The following TXK variants were observed in gnomAD, a reference collection of about 807,000 sequenced individuals.
TXK encodes the protein TXK tyrosine kinase.
A neutral mutation model predicts 81.0 loss-of-function variants in TXK; 60 were observed. The observed-to-expected ratio is 0.74, with a 90% CI of 0.60 to 0.92. The LOEUF (loss-of-function observed/expected upper bound fraction) is 0.92. Ranked by LOEUF, TXK falls within the 40% of genes least tolerant of loss-of-function variation. TXK has a pLI of 0.00. For missense variants in TXK, 581 were observed against 638.3 expected (o/e 0.91, Z 0.97); for synonymous variants, 203 against 210.7 (o/e 0.96, Z 0.32).
At chr4:48,097,088 T>C (rs1718010072) in intron 6 of TXK, among the ~76,000 whole-genome samples, 1 of 151,890 alleles carries the variant, frequency 6.6e-6, no homozygotes, top group Non-Finnish European at 1.5e-5. Flanking sequence ...AGACAAAACA[T>C]AAAATAATAA....
At chr4:48,072,474 G>A (rs1030718893) in intron 13 of TXK, among the ~76,000 whole-genome samples, 3 of 152,200 alleles carry the variant, frequency 2.0e-5, no homozygotes, top group East Asian at 1.9e-4. Context: ...AGATTAGACT[G>A]ATGGGCAGAG....
intron 1 of TXK, among the ~76,000 whole-genome samples, chr4:48,129,721 T>C (rs1223624196): frequency 6.6e-6 from 1 of 152,238 alleles, no homozygotes; most frequent in Middle Eastern, 3.2e-3. Context: ...AGGCAATTTT[T>C]CTTTCTTTCT....
At chr4:48,072,169 A>G (rs1197628724) in intron 13 of TXK, among the ~76,000 whole-genome samples, 1 of 151,918 alleles carries the variant, frequency 6.6e-6, no homozygotes, top group Non-Finnish European at 1.5e-5. Flanking sequence ...ACGCCCAACT[A>G]ATTTTTCTAT....
At chr4:48,069,332 T>TTTC (rs61537923) in intron 14 of TXK, among the ~76,000 whole-genome samples, 41,368 of 136,886 alleles carry the variant, frequency 0.3, 7,263 homozygotes, top group Non-Finnish European at 0.4. Context: ...TTTTCTTTTT[T>TTTC]TTTTTTTTTT....
Position 48,073,959 on chromosome 4 carries a change from T to C in TXK, c.1333A>G (p.Ser445Gly). Reference sequence around the variant, plus strand: ...CCAAATGACCAGACATCAGATTTACTGCTGTACTTATTGAAAAGAAAAACT... The same window carrying C: ...CCAAATGACCAGACATCAGATTTACCGCTGTACTTATTGAAAAGAAAAACT... ...PEVFLFNKYS[S>G]KSDVWSFGVL... is the part of the protein sequence containing the mutation. Residue 445 changes from serine to glycine, a missense_variant, in exon 13 of 15, where the codon AGT (serine) becomes GGT (glycine). Ser to Gly is a moderately conservative substitution (Grantham distance 56). Coordinates refer to ENST00000264316, the MANE Select transcript of TXK (RefSeq NM_003328.3). 6.2e-7 allele frequency: 1 copy of C among 1,613,070 alleles called. No individual in the cohort carries two copies. The highest frequency in any genetic ancestry group is 1.3e-5 in the African/African-American group (1 of 75,052).
intron 6 of TXK, among the ~76,000 whole-genome samples, chr4:48,098,889 C>A (rs183401686): frequency 3.3e-5 from 5 of 152,046 alleles, no homozygotes; most frequent in Non-Finnish European, 5.9e-5. Context: ...GCTGAGATTG[C>A]GCCACTGCCC....
At chr4:48,078,270 T>C (rs973865383) in intron 11 of TXK, among the ~76,000 whole-genome samples, 1 of 152,158 alleles carries the variant, frequency 6.6e-6, no homozygotes, top group African/African-American at 2.4e-5. Context: ...AAGCAGTAAA[T>C]AGCAAATGAC....
At chr4:48,072,870 T>C (rs1218067962) in intron 13 of TXK, among the ~76,000 whole-genome samples, 2 of 152,196 alleles carry the variant, frequency 1.3e-5, no homozygotes, top group Non-Finnish European at 2.9e-5. Flanking sequence ...CATATGTCCA[T>C]GGAGAGCTAA....
chr4:48,106,035 G>C (rs1203778209), intron 5 of TXK: 1 of 152,172 alleles, frequency 6.6e-6, no homozygotes, highest in Non-Finnish European at 1.5e-5. Context: ...GAACAAAAGA[G>C]AGAGAAAGGA....
chr4:48,072,176 C>T (rs1273877838), intron 13 of TXK, among the ~76,000 whole-genome samples: 1 of 152,012 alleles, frequency 6.6e-6, no homozygotes, highest in East Asian at 1.9e-4. Flanking sequence ...ACTAATTTTT[C>T]TATTTTTAGT....
intron 10 of TXK, among the ~76,000 whole-genome samples, chr4:48,085,225 GT>G (rs1015358936): frequency 3.9e-5 from 6 of 152,246 alleles, no homozygotes; most frequent in African/African-American, 1.4e-4. Context: ...GAAGAGTTGT[GT>G]CCAATGGTCT....
chr4:48,075,480 G>A (rs1184086910), intron 12 of TXK, among the ~76,000 whole-genome samples: 6 of 151,914 alleles, frequency 3.9e-5, no homozygotes, highest in Admixed American at 6.6e-5. Context: ...GTGAAACCCC[G>A]CCTCTACCAA....
intron 1 of TXK, among the ~76,000 whole-genome samples, chr4:48,124,327 G>A (rs1719031769): frequency 6.6e-6 from 1 of 152,028 alleles, no homozygotes; most frequent in Admixed American, 6.6e-5. Context: ...GTGTTTCCAG[G>A]CATTGCCAAA....
At position 48,112,193 on chromosome 4, in the gene TXK, G is replaced by A. The variant is rs114496991; in HGVS notation, c.380+114C>T. 1,082 of 962,796 alleles carry A rather than the reference G, an allele frequency of 1.1e-3. 8 individuals carry two copies. In the African/African-American group the frequency reaches 0.015, roughly 14 times the overall value. The allele number at this position is 962,796 out of a possible 1,614,324, so 59.6% of individuals were successfully genotyped here. On this transcript the variant is annotated intron_variant, in intron 4 of 14. Transcript: ENST00000264316. ...TCTCATTCTCTCACACATCCTGGGG[G>A]AGAGGGGACAGATTCCATTTCATGC...
chr4:48,103,695 G>A (rs1718289177), intron 6 of TXK, among the ~76,000 whole-genome samples: 1 of 152,146 alleles, frequency 6.6e-6, no homozygotes, highest in African/African-American at 2.4e-5. Context: ...TTAAACTATA[G>A]GCAGCTTTGT....
In TXK at chr4:48,114,391, G is replaced by A. The variant is rs763018085; in HGVS notation, c.28C>T (p.Gln10Ter). The change falls in exon 2 of 15, where the codon CAG becomes TAG. Residue 10 changes from glutamine (Q) to a stop codon, truncating the protein, a stop_gained. Transcript: ENST00000264316. LOFTEE classifies it high-confidence loss of function. MILSSYNTI[Q>*]SVFCCCCCCS... ...CAACAGCAGCAACAGAAAACCGACTGGATGGTGTTATCTGAAAAGCAGATC... is the reference window on the plus strand; with the variant it reads ...CAACAGCAGCAACAGAAAACCGACTAGATGGTGTTATCTGAAAAGCAGATC... 6 of 1,614,118 alleles carry A rather than the reference G, an allele frequency of 3.7e-6. No individual in the cohort carries two copies. The highest frequency in any genetic ancestry group is 4.2e-6 in the Non-Finnish European group (5 of 1,179,982).
rs79159147 is a variant in TXK, at chr4:48,087,358, T to C, written c.785-721A>G. 7.9e-4 allele frequency among the ~76,000 whole-genome samples: 120 copies of C among 152,276 alleles called. 1 individual carries two copies. The highest frequency in any genetic ancestry group is 2.9e-3 in the African/African-American group (119 of 41,568). ...TTGAATAATGCATTTAAAAGAATTG[T>C]AAAATCTGATAGTCCCTTCTACCAG... is the stretch of plus-strand genomic sequence containing the variant. On this transcript the variant is annotated intron_variant, in intron 9 of 14. Coordinates refer to ENST00000264316, the MANE Select transcript of TXK (RefSeq NM_003328.3).
intron 1 of TXK, among the ~76,000 whole-genome samples, chr4:48,119,024 G>C (rs1435114118): frequency 2.0e-5 from 3 of 152,242 alleles, no homozygotes; most frequent in Non-Finnish European, 4.4e-5. Context: ...CCAGGAGTGA[G>C]AGAGAGTAAA....
intron 10 of TXK, among the ~76,000 whole-genome samples, chr4:48,083,787 G>A (rs1213424125): frequency 6.6e-6 from 1 of 152,166 alleles, no homozygotes; most frequent in Non-Finnish European, 1.5e-5. Flanking sequence ...ATGCTAGTGG[G>A]AGAGAAATAA....
Sources: allele counts gnomAD v4.1 joint callset (sites outside exome capture counted in the v4.1 genomes callset), GRCh38; gene constraint gnomAD v4.1.1; transcripts MANE v1.5; gene names NCBI Gene and HGNC (gene_info 2026-07-23, HGNC 2026-07-21).